Variants in WDR25 observed in about 807,000 individuals in gnomAD.
WDR25 encodes WD repeat-containing protein 25.
WDR25 carries 35 observed loss-of-function variants against 47.7 expected under a neutral mutation model. The ratio of observed to expected loss-of-function variants is 0.73; its 90% confidence interval spans 0.56 to 0.97. The LOEUF (loss-of-function observed/expected upper bound fraction) is 0.97. Ranked by LOEUF, WDR25 falls within the 50% of genes least tolerant of loss-of-function variation. The pLI, the probability that WDR25 is intolerant of heterozygous loss-of-function variation, is 0.00. For missense variants in WDR25, 634 were observed against 704.7 expected (o/e 0.90, Z 1.14); for synonymous variants, 248 against 278.9 (o/e 0.89, Z 1.10).
At chr14:100,517,582 G>A (rs1423589173) in intron 4 of WDR25, among the ~76,000 whole-genome samples, 2 of 152,090 alleles carry the variant, frequency 1.3e-5, no homozygotes, top group African/African-American at 4.8e-5. Context: ...GGTGGCTCAC[G>A]CCTGTAATCC....
rs770361947 is a variant in WDR25, at chr14:100,502,983, A to ATG, written c.1101+18869_1101+18870dup. Among the ~76,000 whole-genome samples the ATG allele has an allele frequency of 6.6e-6, 1 of 151,250 alleles. No homozygotes were observed. The highest frequency in any genetic ancestry group is 1.5e-5 in the Non-Finnish European group (1 of 67,772). On this transcript the variant is annotated intron_variant, in intron 4 of 6. Transcript: ENST00000402312. The surrounding 1 kb of genome is among the most constrained non-coding windows in gnomAD (Gnocchi z 4.5). ...TGTGTGTCTGTATGTGTGTCGGTGC[A>ATG]TGTGTGTGTGTCCATCCATGCATGT...
At chr14:100,513,613 G>A (rs975382873) in intron 4 of WDR25, among the ~76,000 whole-genome samples, 2 of 151,772 alleles carry the variant, frequency 1.3e-5, no homozygotes, top group Non-Finnish European at 2.9e-5. Context: ...TTTTGAAGTT[G>A]TTACCAGGTG....
chr14:100,529,052 G>C lies in WDR25; in HGVS notation c.1273-16G>C. ...GGGTGTCTTCTCTGACCCATTTGTG[G>C]CTCTGCTGTTCTCAGGAGAGGTTCA... is the stretch of plus-strand genomic sequence containing the variant. On this transcript the variant is annotated splice_polypyrimidine_tract_variant and intron_variant, in intron 5 of 6. Coordinates refer to ENST00000402312, the MANE Select transcript of WDR25 (RefSeq NM_001161476.3). This position sits in a 1 kb window ranked among gnomAD's most constrained non-coding sequence, Gnocchi z 5.1. 1.3e-6 allele frequency: 2 copies of C among 1,521,296 alleles called. No homozygotes were observed. Among genetic ancestry groups the C allele is most frequent in the Non-Finnish European group, 1.8e-6 (2 of 1,129,896 alleles). 94.2% of individuals were successfully genotyped at this position (1,521,296 alleles called of 1,614,324 possible). A position where few individuals can be genotyped will look rare whatever the true frequency, so the allele number is the denominator to read the frequency against.
At position 100,380,990 on chromosome 14, in the gene WDR25, T is replaced by C; in HGVS notation, c.66T>C (p.Ala22=). 6.2e-7 allele frequency: 1 copy of C among 1,614,226 alleles called. No individual in the cohort carries two copies. The change falls in exon 2 of 7, where the codon GCT becomes GCC. Residue 22 remains alanine (A), a synonymous_variant. Transcript: ENST00000402312. ...LVAYDDSDSE[A]ETEHAGSFNA... is the part of the protein sequence containing the mutation. ...CGTATGATGATTCGGACTCGGAGGC[T>C]GAGACAGAGCATGCAGGAAGTTTTA...
At chr14:100,469,747 C>T (rs1899766337) in intron 3 of WDR25, among the ~76,000 whole-genome samples, 1 of 152,202 alleles carries the variant, frequency 6.6e-6, no homozygotes, top group Admixed American at 6.5e-5. Flanking sequence ...CTCTATACAG[C>T]ATCTTATTTA....
At position 100,381,557 on chromosome 14, in the gene WDR25, C is replaced by G; in HGVS notation, c.633C>G (p.Leu211=). ...GPPAGRAPAP[L]YVGPGVSEFI... is the part of the protein sequence containing the mutation. ...CTGCAGGGCGTGCCCCAGCCCCTCT[C>G]TACGTGGGCCCGGGAGTGTCTGAGT... Residue 211 remains leucine, a synonymous_variant, in exon 2 of 7, where the codon CTC becomes CTG. Coordinates refer to ENST00000402312, the MANE Select transcript of WDR25 (RefSeq NM_001161476.3). The G allele has an allele frequency of 6.2e-7, 1 of 1,609,910 alleles. No homozygotes were observed. The highest frequency in any genetic ancestry group is 1.1e-5 in the South Asian group (1 of 90,812).
intron 5 of WDR25, among the ~76,000 whole-genome samples, chr14:100,528,825 T>C (rs2030317751): frequency 6.6e-6 from 1 of 152,166 alleles, no homozygotes; most frequent in African/African-American, 2.4e-5. Context: ...CAGAAAGAAG[T>C]GCGGCTCCGC....
intron 2 of WDR25, among the ~76,000 whole-genome samples, chr14:100,388,623 C>T (rs2140148453): frequency 6.6e-6 from 1 of 152,298 alleles, no homozygotes; most frequent in East Asian, 1.9e-4. Context: ...CACTCCTCCT[C>T]CCCCATGTGA....
Position 100,529,057 on chromosome 14 carries a change from G to C in WDR25, c.1273-11G>C, listed in dbSNP as rs112617279. On this transcript the variant is annotated splice_polypyrimidine_tract_variant and intron_variant, in intron 5 of 6. Transcript: ENST00000402312. The surrounding 1 kb of genome is among the most constrained non-coding windows in gnomAD (Gnocchi z 5.1). ...TCTTCTCTGACCCATTTGTGGCTCT[G>C]CTGTTCTCAGGAGAGGTTCACCTGC... 1 of 1,527,336 alleles carries C rather than the reference G, an allele frequency of 6.5e-7. No individual in the cohort carries two copies. Among genetic ancestry groups the C allele is most frequent in the Admixed American group, 2.0e-5 (1 of 51,212 alleles). The allele number at this position is 1,527,336 out of a possible 1,614,324, so 94.6% of individuals were successfully genotyped here.
In WDR25 at chr14:100,424,233, G is replaced by A. The variant is rs575935944; in HGVS notation, c.822+42487G>A. ...TCGATGCCCACACTACTTCCAGGGA[G>A]CTGAGTTTCAGAGCCTGTGGCGTTT... On this transcript the variant is annotated intron_variant, in intron 2 of 6. Coordinates refer to ENST00000402312, the MANE Select transcript of WDR25 (RefSeq NM_001161476.3). The surrounding 1 kb of genome is among the most constrained non-coding windows in gnomAD (Gnocchi z 4.2). Among the ~76,000 whole-genome samples, 1 of 152,362 alleles carries A rather than the reference G, an allele frequency of 6.6e-6. No homozygotes were observed. Among genetic ancestry groups the A allele is most frequent in the South Asian group, 2.1e-4 (1 of 4,828 alleles).
At chr14:100,484,954 A>AT (rs1900333122) in intron 4 of WDR25, among the ~76,000 whole-genome samples, 2 of 152,138 alleles carry the variant, frequency 1.3e-5, no homozygotes, top group Non-Finnish European at 2.9e-5. Context: ...CTCTCATCAG[A>AT]ATCCTCCAGG....
chr14:100,515,280 G>A (rs532144660), intron 4 of WDR25, among the ~76,000 whole-genome samples: 1 of 152,238 alleles, frequency 6.6e-6, no homozygotes, highest in Admixed American at 6.5e-5. Context: ...TGGGTTTACA[G>A]TTTAATCAAA....
intron 3 of WDR25, 90 bp from the exon 4 acceptor site, chr14:100,483,904 G>C: frequency 6.9e-7 from 1 of 1,459,168 alleles, no homozygotes; most frequent in African/African-American, 1.4e-5. Context: ...TGTTTGCTAT[G>C]AGCCCCATAC....
chr14:100,412,430 G>A (rs916524702), intron 2 of WDR25, among the ~76,000 whole-genome samples: 6 of 152,078 alleles, frequency 3.9e-5, no homozygotes, highest in Admixed American at 1.3e-4. Flanking sequence ...GTGAAAACAC[G>A]GCTCTTGGAG....
chr14:100,396,585 G>GT (rs1408106613), intron 2 of WDR25, among the ~76,000 whole-genome samples: 1 of 151,510 alleles, frequency 6.6e-6, no homozygotes, highest in Non-Finnish European at 1.5e-5. Context: ...CTGTCCAAGA[G>GT]AAGCCAACAC....
chr14:100,528,012 C>A (rs1329908112), intron 5 of WDR25, among the ~76,000 whole-genome samples: 2 of 152,130 alleles, frequency 1.3e-5, no homozygotes, highest in African/African-American at 4.8e-5. Context: ...TTTCTTTTCT[C>A]ATTTGGCCAC....
chr14:100,382,197 G>A, intron 2 of WDR25: 1 of 702,908 alleles, frequency 1.4e-6, no homozygotes, highest in Non-Finnish European at 2.6e-6. Context: ...CAGTGAGGCG[G>A]GAGCCGTGGA....
chr14:100,454,321 G>T lies in WDR25; in HGVS notation c.823-13700G>T, dbSNP rs536962614. 2.2e-4 allele frequency: 273 copies of T among 1,249,528 alleles called. 6 individuals carry two copies. In the South Asian group the frequency reaches 3.3e-3, roughly 15 times the overall value. 77.4% of individuals were successfully genotyped at this position (1,249,528 alleles called of 1,614,324 possible). On this transcript the variant is annotated intron_variant, in intron 2 of 6. Coordinates refer to ENST00000402312, the MANE Select transcript of WDR25 (RefSeq NM_001161476.3). ...CTACCAGAAGGCTGGGTGTGGAGAA[G>T]ATTTTGACTGAGGTAATGGGGTAAT...
Position 100,480,280 on chromosome 14 carries a change from A to G in WDR25, c.971-3714A>G, listed in dbSNP as rs1900156272. On this transcript the variant is annotated intron_variant, in intron 3 of 6. Coordinates refer to ENST00000402312, the MANE Select transcript of WDR25 (RefSeq NM_001161476.3). Reference sequence around the variant, plus strand: ...GGCCTAAAGCAGCCAGTTCTTGACAACATTGTGCTGACACAAGAGTGACCA... The same window carrying G: ...GGCCTAAAGCAGCCAGTTCTTGACAGCATTGTGCTGACACAAGAGTGACCA... 2.6e-5 allele frequency among the ~76,000 whole-genome samples: 4 copies of G among 152,338 alleles called. No homozygotes were observed. The South Asian group carries it at 8.3e-4, about 32-fold the overall frequency.
Sources: allele counts gnomAD v4.1 joint callset (sites outside exome capture counted in the v4.1 genomes callset), GRCh38; gene constraint gnomAD v4.1.1; non-coding constraint Gnocchi (gnomAD v3.1); transcripts MANE v1.5; gene names NCBI Gene and HGNC (gene_info 2026-07-23, HGNC 2026-07-21).